Variants in ZNF860 observed in about 807,000 individuals in gnomAD.
ZNF860 encodes zinc finger protein 860.
For synonymous variants in ZNF860, 206 were observed against 248.9 expected (o/e 0.83, Z 1.62); for missense variants, 641 against 759.2 (o/e 0.84, Z 1.83).
downstream of ZNF860, among the ~76,000 whole-genome samples, chr3:31,993,450 C>T (rs1699056152): frequency 6.6e-6 from 1 of 152,040 alleles, no homozygotes; most frequent in Admixed American, 6.6e-5. Flanking sequence ...TCAGGTGATC[C>T]ACCCGCCTCG....
At position 31,989,086 on chromosome 3, in the gene ZNF860, C is replaced by T. The variant is rs767174163; in HGVS notation, c.7C>T (p.Arg3Cys). Reference protein sequence around the residue: MLREEAAQKRKEK... With the variant: MLCEEAAQKRKEK... Reference sequence around the variant, plus strand: ...TATTGATTTCTAAAGACTCATGTTACGTGAGGAAGCAGCTCAGAAGAGGAA... The same window carrying T: ...TATTGATTTCTAAAGACTCATGTTATGTGAGGAAGCAGCTCAGAAGAGGAA... Residue 3 changes from arginine to cysteine, a missense_variant, in exon 2 of 2, where the codon CGT becomes TGT. Arg to Cys is a radical substitution (Grantham distance 180). Transcript: ENST00000360311. The T allele has an allele frequency of 8.1e-6, 13 of 1,613,950 alleles. No homozygotes were observed. The highest frequency in any genetic ancestry group is 6.7e-5 in the East Asian group (3 of 44,900).
chr3:31,988,616 C>T (rs1012431209), intron 1 of ZNF860, 44 bp from the exon 2 acceptor site: 3 of 177,470 alleles, frequency 1.7e-5, no homozygotes, highest in Non-Finnish European at 3.6e-5. Context: ...CGCTCTCTCT[C>T]TCTCTTTCTC....
the ZNF860 span, among the ~76,000 whole-genome samples, chr3:32,000,036 A>G: frequency 6.6e-6 from 1 of 152,182 alleles, no homozygotes; most frequent in South Asian, 2.1e-4. Flanking sequence ...AAAGATAACC[A>G]AAAAGTCTGA....
chr3:31,985,156 T>A (rs1430939940), intron 1 of ZNF860, among the ~76,000 whole-genome samples: 1 of 152,156 alleles, frequency 6.6e-6, no homozygotes, highest in Non-Finnish European at 1.5e-5. Context: ...GGAAAATCGC[T>A]TGAACCCAGA....
At chr3:31,995,073 C>A (rs1240570686), downstream of ZNF860, among the ~76,000 whole-genome samples, 1 of 152,184 alleles carries the variant, frequency 6.6e-6, no homozygotes, top group African/African-American at 2.4e-5. Flanking sequence ...GAGTAAAGAT[C>A]ATATGCATCT....
chr3:31,982,361 A>T (rs915237708), intron 1 of ZNF860, among the ~76,000 whole-genome samples: 8 of 152,138 alleles, frequency 5.3e-5, no homozygotes, highest in African/African-American at 1.4e-4. Context: ...TCTCTCTCTC[A>T]CACACACACA....
At chr3:31,986,824 G>C (rs1698939875) in intron 1 of ZNF860, among the ~76,000 whole-genome samples, 1 of 151,912 alleles carries the variant, frequency 6.6e-6, no homozygotes, top group Non-Finnish European at 1.5e-5. Flanking sequence ...GGGCAACCTG[G>C]AGAGACTCCA....
intron 1 of ZNF860, among the ~76,000 whole-genome samples, chr3:31,982,270 A>G (rs1257457168): frequency 6.6e-6 from 1 of 152,180 alleles, no homozygotes; most frequent in Non-Finnish European, 1.5e-5. Context: ...CTATCCCACT[A>G]ATATTTTTTG....
the ZNF860 span, among the ~76,000 whole-genome samples, chr3:32,004,870 C>T: frequency 1.3e-5 from 2 of 152,256 alleles, no homozygotes; most frequent in African/African-American, 4.8e-5. Flanking sequence ...AATTATAGTC[C>T]TTATTTCATG....
At chr3:31,985,959 C>A (rs895982729) in intron 1 of ZNF860, among the ~76,000 whole-genome samples, 1 of 152,138 alleles carries the variant, frequency 6.6e-6, no homozygotes, top group South Asian at 2.1e-4. Context: ...TCTGGTGGAG[C>A]CAGGATTTCA....
chr3:31,995,800 C>T (rs919802445), downstream of ZNF860, among the ~76,000 whole-genome samples: 5 of 152,142 alleles, frequency 3.3e-5, no homozygotes, highest in East Asian at 1.9e-4. Flanking sequence ...CCTGACTTCC[C>T]GTGACACCCC....
chr3:31,984,030 T>G (rs1006534471), intron 1 of ZNF860, among the ~76,000 whole-genome samples: 6 of 148,946 alleles, frequency 4.0e-5, no homozygotes, highest in Non-Finnish European at 7.6e-5. Context: ...GGGGTTTTTT[T>G]TGTTTTTGTT....
the ZNF860 span, among the ~76,000 whole-genome samples, chr3:31,999,650 C>T: frequency 4.6e-5 from 7 of 152,168 alleles, no homozygotes; most frequent in Admixed American, 2.0e-4. Flanking sequence ...TGTGAGCCAC[C>T]GTGCCCGGCC....
At chr3:31,987,291 A>C (rs550834629) in intron 1 of ZNF860, among the ~76,000 whole-genome samples, 3 of 152,216 alleles carry the variant, frequency 2.0e-5, no homozygotes, top group Non-Finnish European at 4.4e-5. Context: ...CTTTAGAGCT[A>C]TATTATCCTT....
rs1188994127 is a variant in ZNF860 at position 31,989,699 on chromosome 3, A to G, written c.620A>G (p.Tyr207Cys). The change falls in exon 2 of 2, where the codon TAT (tyrosine) becomes TGT (cysteine). Residue 207 changes from tyrosine (Y) to cysteine (C), a missense_variant. Physicochemically the swap from Tyr to Cys is radical, Grantham distance 194. Coordinates refer to ENST00000360311, the MANE Select transcript of ZNF860 (RefSeq NM_001137674.3). ...CCCAAAATCCATATTTCTAATAACT[A>G]TGAAAATAATTTCTTCCATTCATCA... ...SRPKIHISNNYENNFFHSSLL... is the reference protein window; with the variant it reads ...SRPKIHISNNCENNFFHSSLL... 6.2e-7 allele frequency: 1 copy of G among 1,613,822 alleles called. No homozygotes were observed. The highest frequency in any genetic ancestry group is 8.5e-7 in the Non-Finnish European group (1 of 1,179,966).
At chr3:31,999,274 T>A in the ZNF860 span, among the ~76,000 whole-genome samples, 1 of 152,108 alleles carries the variant, frequency 6.6e-6, no homozygotes, top group Non-Finnish European at 1.5e-5. Context: ...TCAGTGATGA[T>A]AACATGGCCC....
chr3:31,999,023 C>G, the ZNF860 span, among the ~76,000 whole-genome samples: 1 of 152,186 alleles, frequency 6.6e-6, no homozygotes, highest in Non-Finnish European at 1.5e-5. Flanking sequence ...AAAGGAGGGA[C>G]ATAATTTACA....
Position 31,989,256 on chromosome 3 carries a change from C to T in ZNF860, c.177C>T (p.Asn59=), listed in dbSNP as rs558504636. 6.2e-7 allele frequency: 1 copy of T among 1,614,148 alleles called. No homozygotes were observed. The highest frequency in any genetic ancestry group is 2.2e-5 in the East Asian group (1 of 44,880). Residue 59 remains asparagine (N), a synonymous_variant, in exon 2 of 2, where the codon AAC becomes AAT. Coordinates refer to ENST00000360311, the MANE Select transcript of ZNF860 (RefSeq NM_001137674.3). Reference sequence around the variant, plus strand: ...CCATGATGTTGGAGAACTACAGGAACCTGCATTCTGTGGATATCTCTTCCA... The same window carrying T: ...CCATGATGTTGGAGAACTACAGGAATCTGCATTCTGTGGATATCTCTTCCA... ...YRAMMLENYR[N]LHSVDISSKC...
downstream of ZNF860, among the ~76,000 whole-genome samples, chr3:31,996,502 G>GGGA (rs1699090948): frequency 6.6e-6 from 1 of 151,824 alleles, no homozygotes; most frequent in Non-Finnish European, 1.5e-5. Flanking sequence ...ATTGCCAGGG[G>GGGA]GAGAAGGGGG....
Sources: gnomAD v4.1 joint callset for allele counts (sites outside exome capture counted in the v4.1 genomes callset) on GRCh38, gnomAD v4.1.1 for gene constraint, MANE v1.5 for transcripts, NCBI Gene and HGNC (gene_info 2026-07-23, HGNC 2026-07-21) for gene names.